Variants in NXPE2 observed in about 807,000 individuals in gnomAD.
The protein encoded by NXPE2 is neurexophilin and PC-esterase domain family member 2.
NXPE2 carries 34 observed loss-of-function variants against 34.4 expected under a neutral mutation model. The ratio of observed to expected loss-of-function variants is 0.99; its 90% CI spans 0.75 to 1.31. The LOEUF is 1.31. NXPE2 is among the 40% of genes most tolerant of loss of function. NXPE2 has a pLI of 0.00. For missense variants in NXPE2, 649 were observed against 672.5 expected (o/e 0.97, Z 0.39); for synonymous variants, 235 against 231.3 (o/e 1.02, Z -0.15).
the NXPE2 span, among the ~76,000 whole-genome samples, chr11:114,715,289 T>A: frequency 6.6e-6 from 1 of 152,208 alleles, no homozygotes; most frequent in Non-Finnish European, 1.5e-5. Flanking sequence ...AAAATTCAGT[T>A]TTCAGAGATT....
upstream of NXPE2, among the ~76,000 whole-genome samples, chr11:114,677,512 T>G (rs182490440): frequency 6.6e-6 from 1 of 151,980 alleles, no homozygotes; most frequent in Admixed American, 6.6e-5. Context: ...TTATAAGGAG[T>G]GGGGAAGAAT....
the NXPE2 span, chr11:114,581,597 C>T: frequency 2.7e-6 from 2 of 737,832 alleles, no homozygotes; most frequent in South Asian, 1.7e-5. Context: ...GTGTCTTGGC[C>T]AACCTTAGAT....
At chr11:114,528,055 TG>T in the NXPE2 span, among the ~76,000 whole-genome samples, 2 of 152,140 alleles carry the variant, frequency 1.3e-5, no homozygotes, top group African/African-American at 4.8e-5. Context: ...GTATTGTAAA[TG>T]AGTGAGGATT....
At chr11:114,703,847 T>A (rs575650988) in intron 3 of NXPE2, 144 bp from the exon 4 acceptor site, 3 of 636,162 alleles carry the variant, frequency 4.7e-6, no homozygotes, top group Non-Finnish European at 8.2e-6. Context: ...TCCTGACCCA[T>A]TAACTTCCCC....
At chr11:114,647,584 G>T in the NXPE2 span, among the ~76,000 whole-genome samples, 1 of 152,024 alleles carries the variant, frequency 6.6e-6, no homozygotes, top group East Asian at 1.9e-4. Flanking sequence ...TTTTACATTT[G>T]CTGTTTAATA....
chr11:114,608,521 G>A, the NXPE2 span, among the ~76,000 whole-genome samples: 1 of 151,958 alleles, frequency 6.6e-6, no homozygotes, highest in Non-Finnish European at 1.5e-5. Context: ...TGCCTCGTGG[G>A]TAAGCACTGT....
chr11:114,704,707 G>A (rs1951439713), intron 4 of NXPE2, among the ~76,000 whole-genome samples: 1 of 152,094 alleles, frequency 6.6e-6, no homozygotes, highest in African/African-American at 2.4e-5. Context: ...ACTGTACAAA[G>A]AAATTTGCTA....
chr11:114,626,019 G>A, the NXPE2 span, among the ~76,000 whole-genome samples: 1 of 152,214 alleles, frequency 6.6e-6, no homozygotes, highest in Non-Finnish European at 1.5e-5. Flanking sequence ...TGGCTCAAAG[G>A]GTCCTACGCC....
chr11:114,488,554 T>C, the NXPE2 span, among the ~76,000 whole-genome samples: 1 of 152,162 alleles, frequency 6.6e-6, no homozygotes, highest in South Asian at 2.1e-4. Flanking sequence ...ATTAAGAAAC[T>C]CACTCAAAAC....
chr11:114,761,589 C>T, the NXPE2 span, among the ~76,000 whole-genome samples: 1 of 113,018 alleles, frequency 8.8e-6, no homozygotes, highest in African/African-American at 3.8e-5. Context: ...TTTTTTGAGA[C>T]GGAGTCTCGC....
At chr11:114,535,005 G>A in the NXPE2 span, among the ~76,000 whole-genome samples, 1 of 152,044 alleles carries the variant, frequency 6.6e-6, no homozygotes, top group Admixed American at 6.5e-5. Context: ...TTAAATGAAG[G>A]AAAAAATGTT....
At chr11:114,625,098 A>T in the NXPE2 span, among the ~76,000 whole-genome samples, 1 of 152,150 alleles carries the variant, frequency 6.6e-6, no homozygotes, top group East Asian at 1.9e-4. Context: ...TACCTGGTGG[A>T]TAATAAGTAT....
the NXPE2 span, chr11:114,594,668 G>T: frequency 1.3e-6 from 2 of 1,587,964 alleles, no homozygotes; most frequent in African/African-American, 2.7e-5. Flanking sequence ...TCCTACCTTT[G>T]TGGAGTTCTG....
intron 2 of NXPE2, among the ~76,000 whole-genome samples, chr11:114,692,518 G>T (rs1427977531): frequency 6.6e-6 from 1 of 152,180 alleles, no homozygotes; most frequent in Non-Finnish European, 1.5e-5. Context: ...CAATGTTTCT[G>T]TGTGATCTTC....
chr11:114,632,424 A>G, the NXPE2 span, among the ~76,000 whole-genome samples: 1 of 131,738 alleles, frequency 7.6e-6, no homozygotes, highest in African/African-American at 2.7e-5. Context: ...TATATAATAT[A>G]AATATAAATA....
the NXPE2 span, chr11:114,552,774 G>T: frequency 1.9e-6 from 1 of 526,478 alleles, no homozygotes. Context: ...GATTGCTATT[G>T]CACTTTTATA....
intron 2 of NXPE2, among the ~76,000 whole-genome samples, chr11:114,695,966 C>T (rs530606166): frequency 1.3e-5 from 2 of 151,590 alleles, no homozygotes; most frequent in South Asian, 2.1e-4. Context: ...TGCAGTGAGC[C>T]GAGATTGTGC....
the NXPE2 span, among the ~76,000 whole-genome samples, chr11:114,535,583 G>A: frequency 1.3e-5 from 2 of 152,160 alleles, no homozygotes; most frequent in Admixed American, 1.3e-4. Flanking sequence ...AAGGGATGGA[G>A]GAAGATCTAC....
At chr11:114,811,780 C>A in the NXPE2 span, among the ~76,000 whole-genome samples, 1 of 152,178 alleles carries the variant, frequency 6.6e-6, no homozygotes, top group Non-Finnish European at 1.5e-5. Context: ...GGTCACCAGT[C>A]GTAGGGCCAG....
Sources: gnomAD v4.1 joint callset for allele counts (sites outside exome capture counted in the v4.1 genomes callset) on GRCh38, gnomAD v4.1.1 for gene constraint, MANE v1.5 for transcripts, NCBI Gene and HGNC (gene_info 2026-07-23, HGNC 2026-07-21) for gene names.